KATNAL1: variants seen among roughly 807,000 people sequenced by gnomAD.
KATNAL1 encodes katanin catalytic subunit A1 like 1.
A neutral mutation model predicts 55.2 loss-of-function variants in KATNAL1; 32 were observed. The observed-to-expected ratio is 0.58, with a 90% CI of 0.44 to 0.78. The LOEUF (loss-of-function observed/expected upper bound fraction) is 0.78. Ranked by LOEUF, KATNAL1 falls within the 30% of genes least tolerant of loss-of-function variation. The pLI is 0.00. For missense variants in KATNAL1, 466 were observed against 600.9 expected (o/e 0.78, Z 2.35); for synonymous variants, 193 against 193.6 (o/e 1.00, Z 0.02).
intron 1 of KATNAL1, among the ~76,000 whole-genome samples, chr13:30,304,976 G>A (rs922378082): frequency 1.3e-5 from 2 of 152,144 alleles, no homozygotes; most frequent in Non-Finnish European, 2.9e-5. Flanking sequence ...TTGAATCCAT[G>A]TCTTTCTGTA....
Position 30,270,298 on chromosome 13 carries a change from T to C in KATNAL1, c.323+9765A>G, listed in dbSNP as rs1441665964. The stretch of plus-strand genomic sequence containing the variant: ...CCAGCCACCCCGTCCAGGAGGGAGG[T>C]GGGGGGTCAGCCCCCCGCCCGGCCA... On this transcript the variant is annotated intron_variant, in intron 3 of 10. Transcript: ENST00000380615. 2.7e-4 allele frequency among the ~76,000 whole-genome samples: 29 copies of C among 105,746 alleles called. 2 individuals are homozygous for C. The highest frequency in any genetic ancestry group is 5.4e-4 in the Non-Finnish European group (27 of 49,802). 69.4% of individuals were successfully genotyped at this position (105,746 alleles called of 152,430 possible). A position where few individuals can be genotyped will look rare whatever the true frequency, so the allele number is the denominator to read the frequency against.
chr13:30,264,923 T>C (rs1448099275), intron 3 of KATNAL1, among the ~76,000 whole-genome samples: 13 of 139,980 alleles, frequency 9.3e-5, no homozygotes, highest in South Asian at 2.4e-4. Context: ...CACATGCACA[T>C]GTATGTTTAT....
chr13:30,299,838 G>A (rs1882751145), intron 1 of KATNAL1, among the ~76,000 whole-genome samples: 1 of 152,154 alleles, frequency 6.6e-6, no homozygotes, highest in Admixed American at 6.5e-5. Context: ...CTCAGATCAA[G>A]AAGGAATACT....
At chr13:30,259,722 A>G (rs1879108773) in intron 3 of KATNAL1, among the ~76,000 whole-genome samples, 1 of 152,214 alleles carries the variant, frequency 6.6e-6, no homozygotes, top group Non-Finnish European at 1.5e-5. Context: ...GGAGGGTCCT[A>G]TGCCCACGGA....
chr13:30,277,791 G>A (rs1274881347), intron 3 of KATNAL1, among the ~76,000 whole-genome samples: 1 of 151,404 alleles, frequency 6.6e-6, no homozygotes, highest in African/African-American at 2.4e-5. Flanking sequence ...AGACCATCCC[G>A]GCTAAAACGG....
chr13:30,283,292 G>GA (rs1491096718), intron 2 of KATNAL1, among the ~76,000 whole-genome samples: 1 of 83,386 alleles, frequency 1.2e-5, no homozygotes, highest in Non-Finnish European at 2.1e-5. Flanking sequence ...AAAAAAAAAA[G>GA]GAATGAATGA....
rs568387219 is a variant in KATNAL1 at position 30,222,174 on chromosome 13, C to T, written c.1147+5238G>A. ...GATTGCCCTTCCTAATGTGGGTGGGCCTCATCTAACCAATGGAAGGTCTGA... is the reference window on the plus strand; with the variant it reads ...GATTGCCCTTCCTAATGTGGGTGGGTCTCATCTAACCAATGGAAGGTCTGA... On this transcript the variant is annotated intron_variant, in intron 9 of 10. Coordinates refer to ENST00000380615, the MANE Select transcript of KATNAL1 (RefSeq NM_032116.5). Among the ~76,000 whole-genome samples, 16 of 152,268 alleles carry T rather than the reference C, an allele frequency of 1.1e-4. 1 individual carries two copies. The highest frequency in any genetic ancestry group is 2.6e-4 in the African/African-American group (11 of 41,550).
intron 10 of KATNAL1, 82 bp downstream of exon 10, chr13:30,210,234 G>T (rs1873542554): frequency 8.2e-7 from 1 of 1,218,314 alleles, no homozygotes; most frequent in Non-Finnish European, 1.1e-6. Context: ...AACTACACTG[G>T]GCTAACTACA....
chr13:30,232,627 G>A (rs1173723564), intron 6 of KATNAL1, among the ~76,000 whole-genome samples: 2 of 152,110 alleles, frequency 1.3e-5, no homozygotes, highest in Non-Finnish European at 2.9e-5. Context: ...CTCTCTGAGA[G>A]GGCCATCCTG....
intron 9 of KATNAL1, among the ~76,000 whole-genome samples, chr13:30,223,232 G>A (rs1178539227): frequency 5.3e-5 from 8 of 152,010 alleles, no homozygotes; most frequent in African/African-American, 1.9e-4. Context: ...AAGGTCAGGA[G>A]ATCGAGACCA....
chr13:30,208,846 T>C, intron 10 of KATNAL1, 108 bp from the exon 11 acceptor site: 1 of 784,918 alleles, frequency 1.3e-6, no homozygotes, highest in Non-Finnish European at 1.9e-6. Flanking sequence ...TTATATGTTT[T>C]TATGAGGCTT....
At chr13:30,232,472 T>C (rs1408317947) in intron 6 of KATNAL1, among the ~76,000 whole-genome samples, 1 of 152,174 alleles carries the variant, frequency 6.6e-6, no homozygotes, top group East Asian at 1.9e-4. Flanking sequence ...TTTGAAACAC[T>C]AGTTTTACAA....
intron 4 of KATNAL1, among the ~76,000 whole-genome samples, chr13:30,253,627 T>G (rs1878535628): frequency 7.5e-6 from 1 of 134,066 alleles, no homozygotes; most frequent in African/African-American, 2.9e-5. Context: ...GTTGTGCCAC[T>G]GCACTCCAGC....
intron 2 of KATNAL1, among the ~76,000 whole-genome samples, chr13:30,282,737 G>A (rs902338321): frequency 1.7e-4 from 25 of 148,764 alleles, no homozygotes; most frequent in Middle Eastern, 3.8e-3. Context: ...GGCGGATCAC[G>A]AGGTCAGGAG....
At chr13:30,290,582 T>C (rs952145270) in intron 1 of KATNAL1, among the ~76,000 whole-genome samples, 2 of 152,140 alleles carry the variant, frequency 1.3e-5, no homozygotes, top group Non-Finnish European at 2.9e-5. Flanking sequence ...CTTTTGGCTA[T>C]CCAACTCATA....
intron 1 of KATNAL1, among the ~76,000 whole-genome samples, chr13:30,299,155 C>A (rs1260308802): frequency 6.6e-6 from 1 of 152,010 alleles, no homozygotes; most frequent in Non-Finnish European, 1.5e-5. Flanking sequence ...GGTTGGCAAC[C>A]TAGAATTGTA....
rs1169764450 is a variant in KATNAL1, at chr13:30,227,414, G to A, written c.1145C>T (p.Thr382Ile). ...LEKRIYIPLP[T>I]AKGRAELLKI... is the part of the protein sequence containing the mutation. ...TCAAAATAGAGAAGACATCATACCTGTTGGGAGAGGTATATATATCCTTTT... is the reference window on the plus strand; with the variant it reads ...TCAAAATAGAGAAGACATCATACCTATTGGGAGAGGTATATATATCCTTTT... The change falls in exon 9 of 11, where the codon ACA (threonine) becomes ATA (isoleucine). Residue 382 changes from threonine to isoleucine, a missense_variant and splice_region_variant. Thr to Ile is a moderately conservative substitution (Grantham distance 89). Around this residue, in one of 3 missense-constraint regions of KATNAL1, gnomAD observed 213 missense variants for 308.6 expected, o/e 0.69. Transcript: ENST00000380615. 3.1e-6 allele frequency: 5 copies of A among 1,613,294 alleles called. No homozygotes were observed. The highest frequency in any genetic ancestry group is 4.2e-6 in the Non-Finnish European group (5 of 1,179,532).
chr13:30,249,810 G>A (rs1233027893), intron 4 of KATNAL1, among the ~76,000 whole-genome samples: 1 of 152,156 alleles, frequency 6.6e-6, no homozygotes, highest in Non-Finnish European at 1.5e-5. Context: ...TGGTTACATT[G>A]AATTACAAGG....
intron 3 of KATNAL1, among the ~76,000 whole-genome samples, chr13:30,266,438 A>G (rs187602687): frequency 6.6e-6 from 1 of 152,356 alleles, no homozygotes; most frequent in African/African-American, 2.4e-5. Flanking sequence ...AGTAAAGCAT[A>G]ATTTACATAT....
Sources: allele counts gnomAD v4.1 joint callset (sites outside exome capture counted in the v4.1 genomes callset), GRCh38; gene constraint gnomAD v4.1.1; regional missense constraint gnomAD v4.1.1; transcripts MANE v1.5; gene names NCBI Gene and HGNC (gene_info 2026-07-23, HGNC 2026-07-21).